IDO2: variants seen among roughly 807,000 people sequenced by gnomAD.
The protein encoded by IDO2 is indoleamine 2,3-dioxygenase 2.
A neutral mutation model predicts 45.1 loss-of-function variants in IDO2; 46 were observed. The ratio of observed to expected loss-of-function variants is 1.02; its 90% CI spans 0.80 to 1.30. The LOEUF is 1.30. IDO2 is among the 50% of genes most tolerant of loss of function. The pLI, the probability that IDO2 is intolerant of heterozygous loss-of-function variation, is 0.00. For missense variants in IDO2, 544 were observed against 491.8 expected (o/e 1.11, Z -1.00); for synonymous variants, 218 against 184.9 (o/e 1.18, Z -1.45).
At chr8:39,984,847 A>T (rs951350143) in intron 5 of IDO2, 10 of 398,560 alleles carry the variant, frequency 2.5e-5, no homozygotes, top group African/African-American at 2.1e-4. Context: ...CAAATCCTAA[A>T]AGTTGAGTAG....
intron 2 of IDO2, among the ~76,000 whole-genome samples, chr8:39,956,040 C>G (rs1363629693): frequency 9.6e-4 from 142 of 147,516 alleles, no homozygotes; most frequent in Non-Finnish European, 1.4e-3. Flanking sequence ...ACGTTTTCTT[C>G]ATAAGATGCA....
At chr8:39,945,445 T>C (rs1807715231) in intron 1 of IDO2, among the ~76,000 whole-genome samples, 1 of 152,204 alleles carries the variant, frequency 6.6e-6, no homozygotes, top group Non-Finnish European at 1.5e-5. Context: ...AAACCCTCAC[T>C]GTGTGTTCTC....
intron 3 of IDO2, among the ~76,000 whole-genome samples, chr8:39,974,082 A>C (rs1273423795): frequency 6.6e-6 from 1 of 152,212 alleles, no homozygotes; most frequent in Non-Finnish European, 1.5e-5. Flanking sequence ...ATTATAAAAC[A>C]AATGAACCAG....
At chr8:39,940,015 C>T (rs1218571182) in intron 1 of IDO2, among the ~76,000 whole-genome samples, 1 of 148,618 alleles carries the variant, frequency 6.7e-6, no homozygotes, top group African/African-American at 2.4e-5. Flanking sequence ...TGCACTGGTA[C>T]TACTGTGATT....
At chr8:39,980,196 T>C (rs1402338340) in intron 4 of IDO2, among the ~76,000 whole-genome samples, 1 of 152,204 alleles carries the variant, frequency 6.6e-6, no homozygotes, top group East Asian at 1.9e-4. Flanking sequence ...TCTAGGTTGC[T>C]CTTCATAATC....
chr8:40,016,105 C>A (rs746495592), exon 11 of IDO2: 39 of 392,630 alleles, frequency 9.9e-5, no homozygotes, highest in Non-Finnish European at 1.5e-4. Flanking sequence ...GGAAATGCTC[C>A]AGTGGAGATG....
chr8:39,984,633 GC>G (rs1318324170), intron 5 of IDO2, among the ~76,000 whole-genome samples: 2 of 152,148 alleles, frequency 1.3e-5, no homozygotes, highest in African/African-American at 4.8e-5. Context: ...CTTTTAATAT[GC>G]CTAACACAGA....
chr8:39,963,809 A>G, intron 3 of IDO2, 106 bp downstream of exon 3: 1 of 640,230 alleles, frequency 1.6e-6, no homozygotes, highest in South Asian at 2.1e-5. Flanking sequence ...ACTGTTCATT[A>G]CCATTGAACT....
At position 39,993,382 on chromosome 8, in the gene IDO2, T is replaced by G. The variant is rs186543459; in HGVS notation, c.667+3544T>G. On this transcript the variant is annotated intron_variant, in intron 8 of 10. Coordinates refer to ENST00000502986, the Ensembl canonical transcript of IDO2. ...TTCCAAATTAACAGAATTTCCAGCT[T>G]TTGCTTGACCCATCGGCGCATTGGC... Among the ~76,000 whole-genome samples the G allele has an allele frequency of 7.9e-5, 12 of 152,354 alleles. No homozygotes were observed. In the East Asian group the frequency reaches 2.3e-3, roughly 29 times the overall value.
intron 3 of IDO2, among the ~76,000 whole-genome samples, chr8:39,964,085 C>G (rs908301879): frequency 6.6e-6 from 1 of 152,146 alleles, no homozygotes; most frequent in Non-Finnish European, 1.5e-5. Context: ...CTGAGGGGGT[C>G]TAACTTGATT....
At chr8:39,990,510 A>T (rs1198669036) in intron 8 of IDO2, among the ~76,000 whole-genome samples, 1 of 152,264 alleles carries the variant, frequency 6.6e-6, no homozygotes, top group Non-Finnish European at 1.5e-5. Flanking sequence ...AAAGGCCATC[A>T]CAACCTTACA....
chr8:40,012,970 A>G (rs1253743160), intron 9 of IDO2, among the ~76,000 whole-genome samples: 2 of 152,222 alleles, frequency 1.3e-5, no homozygotes, highest in Non-Finnish European at 2.9e-5. Flanking sequence ...GTCAGGTAAC[A>G]TCTGTACGTT....
At chr8:39,984,050 A>AAT (rs1485729381) in intron 5 of IDO2, among the ~76,000 whole-genome samples, 6 of 51,608 alleles carry the variant, frequency 1.2e-4, no homozygotes, top group Admixed American at 6.4e-4. Flanking sequence ...TGGATGAAAA[A>AAT]AATAATATAT....
At chr8:39,995,982 T>A (rs1802038550) in intron 8 of IDO2, among the ~76,000 whole-genome samples, 1 of 152,000 alleles carries the variant, frequency 6.6e-6, no homozygotes, top group Non-Finnish European at 1.5e-5. Flanking sequence ...TTTATTTTTG[T>A]TTAATCTTCC....
intron 8 of IDO2, among the ~76,000 whole-genome samples, chr8:39,999,691 T>C (rs536739232): frequency 2.6e-5 from 4 of 152,306 alleles, no homozygotes; most frequent in African/African-American, 7.2e-5. Context: ...CTCAAACTCT[T>C]GACCTCAGGT....
chr8:39,958,968 A>T (rs1297372125), intron 2 of IDO2, among the ~76,000 whole-genome samples: 1 of 152,198 alleles, frequency 6.6e-6, no homozygotes, highest in Non-Finnish European at 1.5e-5. Context: ...GTGTCTTTTC[A>T]ATATCATCCT....
intron 3 of IDO2, among the ~76,000 whole-genome samples, chr8:39,973,933 G>A (rs944355969): frequency 6.6e-6 from 1 of 151,946 alleles, no homozygotes; most frequent in Non-Finnish European, 1.5e-5. Context: ...GGTAGAGACT[G>A]GGTTTCACCA....
chr8:39,935,027 G>T, exon 1 of IDO2: 1 of 732,314 alleles, frequency 1.4e-6, no homozygotes. Context: ...ACTGCCAGTT[G>T]AAACATCCTC....
chr8:39,951,606 A>G (rs1176979991), intron 2 of IDO2, among the ~76,000 whole-genome samples: 1 of 152,180 alleles, frequency 6.6e-6, no homozygotes, highest in African/African-American at 2.4e-5. Context: ...CTAGATTGCT[A>G]TGGAGAATGA....
Sources: allele counts gnomAD v4.1 joint callset (sites outside exome capture counted in the v4.1 genomes callset), GRCh38; gene constraint gnomAD v4.1.1; transcripts MANE v1.5; gene names NCBI Gene and HGNC (gene_info 2026-07-23, HGNC 2026-07-21).